RPSA2: variants seen among roughly 807,000 people sequenced by gnomAD.
The protein encoded by RPSA2 is ribosomal protein SA 2.
At chr19:23,761,285 G>A in the RPSA2 span, among the ~76,000 whole-genome samples, 2 of 151,958 alleles carry the variant, frequency 1.3e-5, no homozygotes, top group African/African-American at 4.8e-5. Context: ...TCACTACATT[G>A]CCCAGACTGG....
chr19:23,853,010 T>A, the RPSA2 span, among the ~76,000 whole-genome samples: 1 of 152,182 alleles, frequency 6.6e-6, no homozygotes, highest in Non-Finnish European at 1.5e-5. Flanking sequence ...GCAATTAATA[T>A]CAATATAATG....
chr19:23,832,165 T>TCA, the RPSA2 span: 2 of 403,090 alleles, frequency 5.0e-6, no homozygotes, highest in Non-Finnish European at 1.0e-5. Flanking sequence ...CAAAGCATTT[T>TCA]GCCAGCCCTC....
chr19:23,762,417 C>T, the RPSA2 span, among the ~76,000 whole-genome samples: 148,556 of 151,850 alleles, frequency 0.98, 72,761 homozygotes, highest in Middle Eastern at 1. Flanking sequence ...GGCTCATGCC[C>T]GTAATCCCAG....
At chr19:23,786,273 A>G in the RPSA2 span, among the ~76,000 whole-genome samples, 1 of 152,146 alleles carries the variant, frequency 6.6e-6, no homozygotes. Flanking sequence ...CTTACCTAGA[A>G]CTGGGACCTG....
At chr19:23,832,622 G>T in the RPSA2 span, 17 of 1,418,154 alleles carry the variant, frequency 1.2e-5, no homozygotes, top group Non-Finnish European at 1.6e-5. Context: ...AATTCATACT[G>T]GGAGAGACCC....
At chr19:23,822,477 TG>T in the RPSA2 span, among the ~76,000 whole-genome samples, 62,355 of 151,992 alleles carry the variant, frequency 0.41, 13,237 homozygotes, top group South Asian at 0.58. Context: ...TATGAGGTCC[TG>T]GGGGTTCTCC....
At chr19:23,814,038 C>T in the RPSA2 span, among the ~76,000 whole-genome samples, 2 of 151,406 alleles carry the variant, frequency 1.3e-5, no homozygotes, top group South Asian at 2.1e-4. Context: ...ATGATGAAAC[C>T]CCATCTCTAC....
chr19:23,854,685 C>T, the RPSA2 span, among the ~76,000 whole-genome samples: 1 of 152,162 alleles, frequency 6.6e-6, no homozygotes, highest in African/African-American at 2.4e-5. Flanking sequence ...AGCTTGGCTG[C>T]TTTTAAGTTT....
chr19:23,857,859 G>A, the RPSA2 span, among the ~76,000 whole-genome samples: 1 of 151,818 alleles, frequency 6.6e-6, no homozygotes, highest in African/African-American at 2.4e-5. Flanking sequence ...AAGAATTATG[G>A]AATTTCTTTA....
At chr19:23,828,182 T>G in the RPSA2 span, 2 of 618,488 alleles carry the variant, frequency 3.2e-6, no homozygotes, top group Non-Finnish European at 5.7e-6. Context: ...TATGACCATA[T>G]ATGTGAAAGT....
At chr19:23,823,801 G>C in the RPSA2 span, 1 of 152,638 alleles carries the variant, frequency 6.6e-6, no homozygotes, top group East Asian at 1.9e-4. Flanking sequence ...CTGTTGTGCT[G>C]TCTGGGAGGG....
At chr19:23,851,317 A>G in the RPSA2 span, among the ~76,000 whole-genome samples, 1 of 152,138 alleles carries the variant, frequency 6.6e-6, no homozygotes. Flanking sequence ...TCCAGGTGAG[A>G]GCAAATTTAT....
At chr19:23,801,463 G>T in the RPSA2 span, among the ~76,000 whole-genome samples, 1 of 152,106 alleles carries the variant, frequency 6.6e-6, no homozygotes, top group Non-Finnish European at 1.5e-5. Flanking sequence ...GTATGGTCTC[G>T]ATCTCTTGAC....
the RPSA2 span, among the ~76,000 whole-genome samples, chr19:23,782,836 A>G: frequency 6.6e-6 from 1 of 152,072 alleles, no homozygotes; most frequent in Non-Finnish European, 1.5e-5. Context: ...CCTCTTGTCT[A>G]TGAGCCCTAC....
the RPSA2 span, chr19:23,832,172 C>A: frequency 9.8e-6 from 4 of 407,614 alleles, no homozygotes; most frequent in South Asian, 2.0e-5. Flanking sequence ...TTTTGCCAGC[C>A]CTCAACCCTA....
At chr19:23,858,324 A>G in the RPSA2 span, among the ~76,000 whole-genome samples, 1 of 151,970 alleles carries the variant, frequency 6.6e-6, no homozygotes, top group Non-Finnish European at 1.5e-5. Context: ...AGAGTGATGG[A>G]TACCCTAAAA....
the RPSA2 span, among the ~76,000 whole-genome samples, chr19:23,784,485 T>G: frequency 6.6e-6 from 1 of 152,236 alleles, no homozygotes; most frequent in Non-Finnish European, 1.5e-5. Context: ...GAGGACTCTA[T>G]TATCTGGACT....
the RPSA2 span, among the ~76,000 whole-genome samples, chr19:23,849,054 C>T: frequency 0.98 from 148,971 of 152,304 alleles, 72,949 homozygotes; most frequent in Middle Eastern, 1. Context: ...TTCTTGAGCT[C>T]GAACCAACAT....
At chr19:23,820,330 T>A in the RPSA2 span, among the ~76,000 whole-genome samples, 1 of 152,210 alleles carries the variant, frequency 6.6e-6, no homozygotes, top group Non-Finnish European at 1.5e-5. Context: ...CTCACAAATT[T>A]GGAGGCCACC....
Sources: allele counts gnomAD v4.1 joint callset (sites outside exome capture counted in the v4.1 genomes callset), GRCh38; gene constraint gnomAD v4.1.1; transcripts MANE v1.5; gene names NCBI Gene and HGNC (gene_info 2026-07-23, HGNC 2026-07-21).